The following RSBN1L variants were observed in gnomAD, a reference collection of about 807,000 sequenced individuals.
RSBN1L encodes the protein lysine-specific demethylase RSBN1L.
In RSBN1L, 30 loss-of-function variants were observed where a neutral mutation model predicts 67.7. The ratio of observed to expected loss-of-function variants is 0.44; its 90% CI spans 0.33 to 0.60. The LOEUF (loss-of-function observed/expected upper bound fraction) is 0.60. RSBN1L is among the 20% of genes least tolerant of loss of function. RSBN1L has a pLI of 0.02. For missense variants in RSBN1L, 992 were observed against 1,031.7 expected, an observed-to-expected ratio of 0.96 and a Z score of 0.53; for synonymous variants, 433 against 387.0, an observed-to-expected ratio of 1.12 and a Z score of -1.39.
At chr7:77,777,573 C>T (rs1791934241) in intron 6 of RSBN1L, among the ~76,000 whole-genome samples, 1 of 151,722 alleles carries the variant, frequency 6.6e-6, no homozygotes, top group South Asian at 2.1e-4. Flanking sequence ...CTTGCATTGT[C>T]TTTGATAAGT....
intron 1 of RSBN1L, among the ~76,000 whole-genome samples, chr7:77,709,166 G>C (rs984025858): frequency 2.0e-4 from 24 of 120,166 alleles, no homozygotes; most frequent in African/African-American, 8.6e-4. Flanking sequence ...GTGTGTGTGT[G>C]TGTGTGTGTG....
intron 2 of RSBN1L, among the ~76,000 whole-genome samples, chr7:77,739,343 A>G (rs2150421885): frequency 6.6e-6 from 1 of 152,290 alleles, no homozygotes; most frequent in South Asian, 2.1e-4. Context: ...GTGTTGATGG[A>G]TGATGGCATT....
At chr7:77,757,394 A>T (rs977878338) in intron 3 of RSBN1L, among the ~76,000 whole-genome samples, 3 of 152,206 alleles carry the variant, frequency 2.0e-5, no homozygotes, top group Non-Finnish European at 4.4e-5. Context: ...TTAACAGGTC[A>T]TGTCATTTCT....
rs34070122 is a variant in RSBN1L at position 77,720,763 on chromosome 7, C to CTTT, written c.587-15629_587-15627dup. Among the ~76,000 whole-genome samples, 63 of 104,358 alleles carry CTTT rather than the reference C, an allele frequency of 6.0e-4. 1 individual carries two copies. The highest frequency in any genetic ancestry group is 2.0e-3 in the African/African-American group (49 of 25,056). 68.5% of individuals were successfully genotyped at this position (104,358 alleles called of 152,430 possible). A position where few individuals can be genotyped will look rare whatever the true frequency, so the allele number is the denominator to read the frequency against. ...TTTCTTTCTTTTTCATTTTCTTTTT[C>CTTT]TTTTTTTTTTTTTTTTTTTTGAGAC... On this transcript the variant is annotated intron_variant, in intron 1 of 7. Coordinates refer to ENST00000334955, the MANE Select transcript of RSBN1L (RefSeq NM_198467.3).
chr7:77,768,641 G>C lies in RSBN1L; in HGVS notation c.1483-20G>C. On this transcript the variant is annotated intron_variant, in intron 4 of 7. Transcript: ENST00000334955. ...TACATTTTGAAAATAATTGCAATCT[G>C]CATAATTATTTATCTCCAGTGTACA... The C allele has an allele frequency of 6.2e-7, 1 of 1,601,610 alleles. No homozygotes were observed. The highest frequency in any genetic ancestry group is 8.5e-7 in the Non-Finnish European group (1 of 1,170,982).
intron 5 of RSBN1L, among the ~76,000 whole-genome samples, chr7:77,771,474 G>A (rs1791848913): frequency 6.7e-6 from 1 of 150,286 alleles, no homozygotes; most frequent in Non-Finnish European, 1.5e-5. Flanking sequence ...TTGTAAGTTA[G>A]TAGTAAATGG....
At chr7:77,712,087 CTAAT>C (rs1790982619) in intron 1 of RSBN1L, among the ~76,000 whole-genome samples, 1 of 151,546 alleles carries the variant, frequency 6.6e-6, no homozygotes, top group African/African-American at 2.4e-5. Context: ...TAAAAATTGC[CTAAT>C]TAAATTTTCT....
At chr7:77,740,985 C>CTTTTTTTTTTTTTTTTTTTTTTT (rs869081974) in intron 2 of RSBN1L, among the ~76,000 whole-genome samples, 1 of 102,926 alleles carries the variant, frequency 9.7e-6, no homozygotes. Context: ...CTTTTCTTTT[C>CTTTTTTTTTTTTTTTTTTTTTTT]TTTTTTTTTT....
chr7:77,724,941 C>T (rs1226721159), intron 1 of RSBN1L, among the ~76,000 whole-genome samples: 2 of 151,272 alleles, frequency 1.3e-5, no homozygotes, highest in African/African-American at 2.4e-5. Flanking sequence ...CTCCCGGGTC[C>T]AGTCGGTTCT....
chr7:77,778,729 A>G lies in RSBN1L; in HGVS notation c.2102A>G (p.Gln701Arg). Residue 701 changes from glutamine (Q) to arginine (R), a missense_variant, in exon 8 of 8, where the codon CAG becomes CGG. By Grantham distance (43) the Gln-to-Arg change is conservative (BLOSUM62 1). This residue lies in a region of RSBN1L where 199 missense variants were observed against 167.7 expected (regional missense o/e 1.19). Coordinates refer to ENST00000334955, the MANE Select transcript of RSBN1L (RefSeq NM_198467.3). ...TATCACTCAGAGGAGGACACTTCTC[A>G]GAATACAGCTACTCATGAAACAGGC... ...KLYHSEEDTSQNTATHETGTS... is the reference protein window; with the variant it reads ...KLYHSEEDTSRNTATHETGTS... 6.2e-7 allele frequency: 1 copy of G among 1,614,138 alleles called. No individual in the cohort carries two copies. Among genetic ancestry groups the G allele is most frequent in the Non-Finnish European group, 8.5e-7 (1 of 1,179,988 alleles).
chr7:77,760,525 T>C (rs1452582478), intron 3 of RSBN1L, among the ~76,000 whole-genome samples: 1 of 152,224 alleles, frequency 6.6e-6, no homozygotes, highest in Admixed American at 6.5e-5. Flanking sequence ...TTTTATTGTG[T>C]TCTGACACAT....
chr7:77,739,724 A>AT (rs1378090457), intron 2 of RSBN1L, among the ~76,000 whole-genome samples: 2 of 140,416 alleles, frequency 1.4e-5, no homozygotes, highest in Non-Finnish European at 3.0e-5. Flanking sequence ...AAAAAAAAAA[A>AT]AAAAAAAAAT....
chr7:77,732,467 G>A (rs1199080409), intron 1 of RSBN1L, among the ~76,000 whole-genome samples: 1 of 152,070 alleles, frequency 6.6e-6, no homozygotes, highest in African/African-American at 2.4e-5. Context: ...CAAGTAGTGG[G>A]GATTAAAGGC....
chr7:77,740,501 A>G (rs980927665), intron 2 of RSBN1L, among the ~76,000 whole-genome samples: 2 of 152,214 alleles, frequency 1.3e-5, no homozygotes, highest in African/African-American at 4.8e-5. Context: ...TTGCAGTGCA[A>G]AAAAAGCAGA....
intron 1 of RSBN1L, among the ~76,000 whole-genome samples, chr7:77,711,927 A>T (rs950238077): frequency 6.6e-6 from 1 of 152,192 alleles, no homozygotes; most frequent in African/African-American, 2.4e-5. Context: ...TTCTTGCCCT[A>T]CCACCCATTT....
intron 1 of RSBN1L, among the ~76,000 whole-genome samples, chr7:77,713,356 T>C (rs117493231): frequency 0.018 from 2,786 of 151,682 alleles, 37 homozygotes; most frequent in Middle Eastern, 0.071. Flanking sequence ...TTCTCTCTCT[T>C]CCTTTTTTTT....
chr7:77,743,575 G>A (rs1391458529), intron 2 of RSBN1L, among the ~76,000 whole-genome samples: 2 of 150,882 alleles, frequency 1.3e-5, no homozygotes, highest in Non-Finnish European at 2.9e-5. Context: ...AATAGACTAA[G>A]TGTTGTCTCT....
Position 77,696,868 on chromosome 7 carries a change from G to T in RSBN1L, c.399G>T (p.Thr133=). ...PVPRKLLVPP[T]LLHAQPHHLL... is the part of the protein sequence containing the mutation. ...CGCGCAAACTGCTGGTCCCTCCTAC[G>T]CTGCTGCACGCTCAGCCTCACCATC... The change falls in exon 1 of 8, where the codon ACG becomes ACT. Residue 133 remains threonine (T), a synonymous_variant. Coordinates refer to ENST00000334955, the MANE Select transcript of RSBN1L (RefSeq NM_198467.3). 6.2e-7 allele frequency: 1 copy of T among 1,610,868 alleles called. No homozygotes were observed. Among genetic ancestry groups the T allele is most frequent in the Non-Finnish European group, 8.5e-7 (1 of 1,179,842 alleles).
At chr7:77,711,442 C>T (rs1045712070) in intron 1 of RSBN1L, among the ~76,000 whole-genome samples, 1 of 151,222 alleles carries the variant, frequency 6.6e-6, no homozygotes, top group Admixed American at 6.6e-5. Flanking sequence ...TGGGCTCATG[C>T]GGTCCCCTTG....
Sources: gnomAD v4.1 joint callset for allele counts (sites outside exome capture counted in the v4.1 genomes callset) on GRCh38, gnomAD v4.1.1 for gene constraint, gnomAD v4.1.1 regional missense constraint, MANE v1.5 for transcripts, NCBI Gene and HGNC (gene_info 2026-07-23, HGNC 2026-07-21) for gene names.